The following UBASH3B variants were observed in gnomAD, a reference collection of about 807,000 sequenced individuals.
The protein encoded by UBASH3B is ubiquitin-associated and SH3 domain-containing protein B.
Under a neutral mutation model 83.4 loss-of-function variants are expected in UBASH3B, and 37 were observed. The observed-to-expected ratio is 0.44, with a 90% CI of 0.34 to 0.58. The LOEUF is 0.58. Among genes scored for constraint, UBASH3B ranks in the 20% least tolerant of loss-of-function variants. UBASH3B has a pLI of 0.01. For missense variants in UBASH3B, 657 were observed against 827.2 expected, an observed-to-expected ratio of 0.79 and a Z score of 2.52; for synonymous variants, 304 against 318.3, an observed-to-expected ratio of 0.96 and a Z score of 0.48.
chr11:122,722,439 TGA>T (rs144477279), intron 1 of UBASH3B, among the ~76,000 whole-genome samples: 3,879 of 152,318 alleles, frequency 0.025, 75 homozygotes, highest in Non-Finnish European at 0.04. Context: ...TGCCAGATAC[TGA>T]GAGAGACGGG....
chr11:122,790,590 C>T (rs1353918297), intron 6 of UBASH3B, among the ~76,000 whole-genome samples: 1 of 152,206 alleles, frequency 6.6e-6, no homozygotes, highest in Admixed American at 6.5e-5. Context: ...GCACAGTTCT[C>T]AGATCTGTTA....
At chr11:122,762,677 G>A (rs370425825) in intron 1 of UBASH3B, among the ~76,000 whole-genome samples, 1 of 152,256 alleles carries the variant, frequency 6.6e-6, no homozygotes, top group Non-Finnish European at 1.5e-5. Flanking sequence ...ACCCGTTCCC[G>A]GATGGTTTCT....
chr11:122,786,635 C>T (rs1387887283), intron 5 of UBASH3B, among the ~76,000 whole-genome samples: 3 of 152,016 alleles, frequency 2.0e-5, no homozygotes, highest in African/African-American at 7.2e-5. Context: ...CCAGCCTGGG[C>T]GACAGAGCGA....
chr11:122,710,810 A>G (rs1480666490), intron 1 of UBASH3B, among the ~76,000 whole-genome samples: 6 of 149,570 alleles, frequency 4.0e-5, no homozygotes, highest in African/African-American at 1.2e-4. Flanking sequence ...TTTGACTCTC[A>G]TTCCATAAGG....
chr11:122,793,738 T>C (rs1477119959), intron 6 of UBASH3B, among the ~76,000 whole-genome samples: 2 of 152,238 alleles, frequency 1.3e-5, no homozygotes, highest in Non-Finnish European at 2.9e-5. Context: ...TCTGTAGCTA[T>C]AGTGTTACAC....
rs77792111 is a variant in UBASH3B, at chr11:122,785,586, T to A, written c.771+2364T>A. Reference sequence around the variant, plus strand: ...CCGTGTTAGTGATTACATTGGGCCATGCCAGTTTAATATACCAACCGATAG... The same window carrying A: ...CCGTGTTAGTGATTACATTGGGCCAAGCCAGTTTAATATACCAACCGATAG... On this transcript the variant is annotated intron_variant, in intron 5 of 13. Coordinates refer to ENST00000284273, the MANE Select transcript of UBASH3B (RefSeq NM_032873.5). 6.1e-3 allele frequency among the ~76,000 whole-genome samples: 931 copies of A among 152,320 alleles called. 6 individuals carry two copies. Among genetic ancestry groups the A allele is most frequent in the African/African-American group, 0.021 (869 of 41,574 alleles).
intron 1 of UBASH3B, among the ~76,000 whole-genome samples, chr11:122,700,566 G>A (rs914475617): frequency 7.5e-6 from 1 of 133,396 alleles, no homozygotes; most frequent in Non-Finnish European, 1.5e-5. Flanking sequence ...GCATGATATC[G>A]GCTCACTGCA....
At chr11:122,683,152 G>A (rs1401944295) in intron 1 of UBASH3B, among the ~76,000 whole-genome samples, 1 of 151,824 alleles carries the variant, frequency 6.6e-6, no homozygotes, top group African/African-American at 2.4e-5. Flanking sequence ...GGGAGGTTGA[G>A]GTGGGAGGAT....
At chr11:122,733,449 C>A (rs747460953) in intron 1 of UBASH3B, among the ~76,000 whole-genome samples, 1 of 152,216 alleles carries the variant, frequency 6.6e-6, no homozygotes, top group Non-Finnish European at 1.5e-5. Context: ...CAAATCCCAG[C>A]CATCCAGTTT....
At chr11:122,731,330 AT>A (rs559208528) in intron 1 of UBASH3B, among the ~76,000 whole-genome samples, 82 of 152,080 alleles carry the variant, frequency 5.4e-4, no homozygotes, top group Middle Eastern at 3.4e-3. Flanking sequence ...TTGGCATGCA[AT>A]TTTTTTTCTT....
At chr11:122,688,987 GGGGGGTTCCACCATATTGGCCAGGCT>G (rs912526518) in intron 1 of UBASH3B, among the ~76,000 whole-genome samples, 9 of 151,032 alleles carry the variant, frequency 6.0e-5, no homozygotes, top group Non-Finnish European at 1.3e-4. Flanking sequence ...GCGGGGGGGG[GGGGGGTTCCACCATATTGGCCAGGCT>G]GGTCTCGAAC....
intron 1 of UBASH3B, among the ~76,000 whole-genome samples, chr11:122,753,403 A>T (rs1861230664): frequency 6.6e-6 from 1 of 150,944 alleles, no homozygotes; most frequent in Admixed American, 6.6e-5. Context: ...GTGAGCCGAG[A>T]TTGTGCCACT....
rs1540109 is a variant in UBASH3B, at chr11:122,810,546, T to C, written c.*660T>C. 0.18 allele frequency: 25,078 copies of C among 138,704 alleles called. 2,210 individuals are homozygous for C. Among genetic ancestry groups the C allele is most frequent in the Admixed American group, 0.29 (3,827 of 13,322 alleles). The allele number at this position is 138,704 out of a possible 1,614,324, so 8.6% of individuals were successfully genotyped here. On this transcript the variant is annotated 3_prime_UTR_variant, in exon 14 of 14. Coordinates refer to ENST00000284273, the MANE Select transcript of UBASH3B (RefSeq NM_032873.5). ...CTTCTTGCTACAGCCCTATCCCCCC[T>C]CCTTGCTTCTGTGAAATGGGGAGAC...
At chr11:122,719,198 C>T (rs1860581629) in intron 1 of UBASH3B, among the ~76,000 whole-genome samples, 1 of 152,172 alleles carries the variant, frequency 6.6e-6, no homozygotes, top group African/African-American at 2.4e-5. Flanking sequence ...TCTAAGACCA[C>T]GCGGCTAATA....
intron 1 of UBASH3B, among the ~76,000 whole-genome samples, chr11:122,714,533 G>A (rs1016180096): frequency 1.1e-4 from 16 of 152,194 alleles, no homozygotes; most frequent in East Asian, 7.7e-4. Context: ...CAGAGGCAGC[G>A]GGGTAAAATG....
intron 1 of UBASH3B, among the ~76,000 whole-genome samples, chr11:122,683,743 T>TTGTGTGTGTGTGTGTG: frequency 1.0e-5 from 1 of 99,116 alleles, no homozygotes; most frequent in Non-Finnish European, 2.4e-5. Flanking sequence ...TAAAAAAAAA[T>TTGTGTGTGTGTGTGTG]TGTGTGTGTG....
chr11:122,757,092 C>T (rs1861293768), intron 1 of UBASH3B, among the ~76,000 whole-genome samples: 2 of 152,208 alleles, frequency 1.3e-5, no homozygotes, highest in African/African-American at 2.4e-5. Context: ...AAATCAGAAC[C>T]TAAGTATCTT....
At chr11:122,703,457 C>A (rs1266293762) in intron 1 of UBASH3B, among the ~76,000 whole-genome samples, 2 of 151,860 alleles carry the variant, frequency 1.3e-5, no homozygotes, top group Non-Finnish European at 2.9e-5. Context: ...TATATTGTTT[C>A]TCCCCTCCAC....
chr11:122,752,012 A>G (rs1275403149), intron 1 of UBASH3B, among the ~76,000 whole-genome samples: 1 of 152,236 alleles, frequency 6.6e-6, no homozygotes, highest in East Asian at 1.9e-4. Context: ...AAAAGGGAAA[A>G]TTAATTATTT....
Sources: allele counts gnomAD v4.1 joint callset (sites outside exome capture counted in the v4.1 genomes callset), GRCh38; gene constraint gnomAD v4.1.1; transcripts MANE v1.5; gene names NCBI Gene and HGNC (gene_info 2026-07-23, HGNC 2026-07-21).